SIRT6: variants seen among roughly 807,000 people sequenced by gnomAD.
SIRT6 encodes the protein sirtuin 6.
SIRT6 carries 21 observed loss-of-function variants against 33.6 expected under a neutral mutation model. That is an observed-to-expected ratio of 0.62 (90% confidence interval 0.44 to 0.90). The LOEUF is 0.90. Among genes scored for constraint, SIRT6 ranks in the 40% least tolerant of loss-of-function variants. The probability of loss-of-function intolerance (pLI) is 0.00; values close to 1 mark genes in which losing one functional copy is unlikely to be tolerated. For missense variants in SIRT6, 504 were observed against 510.6 expected (o/e 0.99, Z 0.12); for synonymous variants, 221 against 223.9 (o/e 0.99, Z 0.12).
chr19:4,180,857 A>AGCCTCGCCAGTTCCCACACCT lies in SIRT6; in HGVS notation c.98_118dup (p.Arg39_Leu40insGlnValTrpGluLeuAlaArg), dbSNP rs1169163801. Reference sequence around the variant, plus strand: ...CACCACACTGGAAGACTGCCAGACCAGCCTCGCCAGTTCCCACACCTTCCG... The same window carrying AGCCTCGCCAGTTCCCACACCT: ...CACCACACTGGAAGACTGCCAGACCAGCCTCGCCAGTTCCCACACCTGCCTCGCCAGTTCCCACACCTTCCG... On this transcript the variant is annotated inframe_insertion, in exon 2 of 8. Coordinates refer to ENST00000337491, the MANE Select transcript of SIRT6 (RefSeq NM_016539.4). 6.2e-7 allele frequency: 1 copy of AGCCTCGCCAGTTCCCACACCT among 1,613,380 alleles called. No homozygotes were observed. The highest frequency in any genetic ancestry group is 8.5e-7 in the Non-Finnish European group (1 of 1,179,860).
chr19:4,181,931 C>T (rs916819646), intron 1 of SIRT6, among the ~76,000 whole-genome samples: 8 of 152,122 alleles, frequency 5.3e-5, no homozygotes, highest in African/African-American at 1.9e-4. Context: ...GCCATCTTCA[C>T]CTCGTTTGCA....
intron 3 of SIRT6, among the ~76,000 whole-genome samples, chr19:4,178,841 AAAC>A (rs997200898): frequency 9.2e-5 from 14 of 152,268 alleles, no homozygotes; most frequent in East Asian, 3.9e-4. Flanking sequence ...TCGGTCTCAA[AAAC>A]AACAACAACA....
chr19:4,179,361 T>C (rs1050195396), intron 2 of SIRT6, 75 bp from the exon 3 acceptor site: 1 of 1,427,670 alleles, frequency 7.0e-7, no homozygotes, highest in African/African-American at 1.5e-5. Flanking sequence ...ATCAGAGAGG[T>C]ATAGAGAGAA....
intron 4 of SIRT6, 126 bp downstream of exon 4, chr19:4,176,953 G>A (rs577187183): frequency 6.9e-5 from 43 of 627,442 alleles, no homozygotes; most frequent in Non-Finnish European, 8.6e-5. Flanking sequence ...AGGGAGACAC[G>A]CCCCCAGATC....
chr19:4,174,817 G>GCCCCCCCCCCCCCCCCCCCCCC lies in SIRT6; in HGVS notation c.867_868insGGGGGGGGGGGGGGGGGGGGGG (p.Pro290GlyfsTer145). 2.2e-6 allele frequency: 1 copy of GCCCCCCCCCCCCCCCCCCCCCC among 447,498 alleles called. No homozygotes were observed. Among genetic ancestry groups the GCCCCCCCCCCCCCCCCCCCCCC allele is most frequent in the Non-Finnish European group, 4.4e-6 (1 of 229,006 alleles). The allele number at this position is 447,498 out of a possible 1,614,324, so 27.7% of individuals were successfully genotyped here. A position where few individuals can be genotyped will look rare whatever the true frequency, so the allele number is the denominator to read the frequency against. ...TCCAGCTTGGGGGTGGGCGGGCGGG[G>GCCCCCCCCCCCCCCCCCCCCCC]CAGGGGTGGCAGCGCCCTCTCCAGC... On this transcript the variant is annotated frameshift_variant, in exon 8 of 8. Transcript: ENST00000337491. LOFTEE classifies it low-confidence loss of function (END_TRUNC). The surrounding 1 kb of genome is among the most constrained non-coding windows in gnomAD (Gnocchi z 4.2).
rs927280042 is a variant in SIRT6, at chr19:4,179,265, G to A, written c.216C>T (p.Thr72=). ...TGGGGGCCAGACCTCGCTCCTCCAT[G>A]GTCCAGACTCCGTGGGGACCCCTGA... ...PDFRGPHGVW[T]MEERGLAPKF... is the part of the protein sequence containing the mutation. Residue 72 remains threonine (T), a synonymous_variant, in exon 3 of 8, where the codon ACC becomes ACT. Coordinates refer to ENST00000337491, the MANE Select transcript of SIRT6 (RefSeq NM_016539.4). 1 of 1,605,544 alleles carries A rather than the reference G, an allele frequency of 6.2e-7. No individual in the cohort carries two copies. Among genetic ancestry groups the A allele is most frequent in the Admixed American group, 1.7e-5 (1 of 58,506 alleles).
At chr19:4,178,228 T>C (rs902086741) in intron 3 of SIRT6, among the ~76,000 whole-genome samples, 4 of 150,456 alleles carry the variant, frequency 2.7e-5, no homozygotes, top group Non-Finnish European at 4.4e-5. Flanking sequence ...GGTTTCAACA[T>C]GTTGGCCAGG....
intron 2 of SIRT6, chr19:4,180,488 C>T: frequency 4.4e-6 from 1 of 228,172 alleles, no homozygotes. Flanking sequence ...TCAAGCAATT[C>T]TCCTGCCTCA....
intron 4 of SIRT6, 117 bp downstream of exon 4, chr19:4,176,962 T>A: frequency 3.9e-6 from 2 of 511,266 alleles, no homozygotes; most frequent in South Asian, 2.4e-5. Flanking sequence ...CGCCCCCAGA[T>A]CCCCCCAGGA....
In SIRT6 at chr19:4,182,303, G is replaced by C. The variant is rs138000255; in HGVS notation, c.66+171C>G. 1.3e-3 allele frequency: 824 copies of C among 633,992 alleles called. 3 individuals carry two copies. The highest frequency in any genetic ancestry group is 0.013 in the African/African-American group (661 of 52,302). 39.3% of individuals were successfully genotyped at this position (633,992 alleles called of 1,614,324 possible). A position where few individuals can be genotyped will look rare whatever the true frequency, so the allele number is the denominator to read the frequency against. ...GGGTGACCACAGAGTTGGGCGTGTT[G>C]GCGTCCCCCGGCGCGCAGGGGCGTC... On this transcript the variant is annotated intron_variant, in intron 1 of 7. Coordinates refer to ENST00000337491, the MANE Select transcript of SIRT6 (RefSeq NM_016539.4).
chr19:4,174,725 G>A lies in SIRT6; in HGVS notation c.960C>T (p.Cys320=), dbSNP rs746066259. 8.1e-6 allele frequency: 12 copies of A among 1,485,290 alleles called. No homozygotes were observed. The highest frequency in any genetic ancestry group is 6.8e-5 in the South Asian group (5 of 73,382). The allele number at this position is 1,485,290 out of a possible 1,614,324, so 92.0% of individuals were successfully genotyped here. A position where few individuals can be genotyped will look rare whatever the true frequency, so the allele number is the denominator to read the frequency against. The change falls in exon 8 of 8, where the codon TGC becomes TGT. Residue 320 remains cysteine (C), a synonymous_variant. Transcript: ENST00000337491. This position sits in a 1 kb window ranked among gnomAD's most constrained non-coding sequence, Gnocchi z 4.2. ...SIPAGPKQEP[C]AQHNGSEPAS... is the part of the protein sequence containing the mutation. Reference sequence around the variant, plus strand: ...CGGGCTCTGAGCCGTTGTGCTGGGCGCAGGGCTCCTGCTTGGGGCCGGCGG... The same window carrying A: ...CGGGCTCTGAGCCGTTGTGCTGGGCACAGGGCTCCTGCTTGGGGCCGGCGG...
At chr19:4,176,821 G>A (rs1222240972) in intron 4 of SIRT6, among the ~76,000 whole-genome samples, 1 of 152,148 alleles carries the variant, frequency 6.6e-6, no homozygotes, top group Admixed American at 6.5e-5. Context: ...TGCTACAGCA[G>A]TGCCAGGACA....
In SIRT6 at chr19:4,175,715, G is replaced by T; in HGVS notation, c.579C>A (p.Pro193=). 6.3e-7 allele frequency: 1 copy of T among 1,584,614 alleles called. No individual in the cohort carries two copies. Among genetic ancestry groups the T allele is most frequent in the African/African-American group, 1.3e-5 (1 of 74,480 alleles). ...CATCGGCGAGTGCCAGGTCCCGGTC[G>T]GGCAGGGAGTCCTCCCAGTCTAGGA... ...DTILDWEDSL[P]DRDLALADEA... The change falls in exon 6 of 8, where the codon CCC becomes CCA. Residue 193 remains proline (P), a synonymous_variant. Coordinates refer to ENST00000337491, the MANE Select transcript of SIRT6 (RefSeq NM_016539.4).
At chr19:4,182,232 C>T (rs1339864848) in intron 1 of SIRT6, 5 of 500,864 alleles carry the variant, frequency 1.0e-5, no homozygotes, top group South Asian at 8.1e-5. Flanking sequence ...CCTGTCGTCC[C>T]CTCTTCCTGG....
rs937320323 is a variant in SIRT6, at chr19:4,174,338, G to A, written c.*279C>T. The A allele has an allele frequency of 1.9e-5, 6 of 323,996 alleles. No homozygotes were observed. The highest frequency in any genetic ancestry group is 2.2e-5 in the Non-Finnish European group (4 of 179,168). The allele number at this position is 323,996 out of a possible 1,614,324, so 20.1% of individuals were successfully genotyped here. A position where few individuals can be genotyped will look rare whatever the true frequency, so the allele number is the denominator to read the frequency against. On this transcript the variant is annotated 3_prime_UTR_variant, in exon 8 of 8. Coordinates refer to ENST00000337491, the MANE Select transcript of SIRT6 (RefSeq NM_016539.4). This position sits in a 1 kb window ranked among gnomAD's most constrained non-coding sequence, Gnocchi z 4.2. Reference sequence around the variant, plus strand: ...ACTCCTGTTTAAGCTGGAGACCAGGGAGGGCCCAGCCTCACCTCTGGACAA... The same window carrying A: ...ACTCCTGTTTAAGCTGGAGACCAGGAAGGGCCCAGCCTCACCTCTGGACAA...
chr19:4,175,200 A>G, intron 6 of SIRT6, 49 bp from the exon 7 acceptor site: 1 of 1,556,104 alleles, frequency 6.4e-7, no homozygotes, highest in Non-Finnish European at 8.7e-7. Context: ...TCCTGCCAAC[A>G]TCCCGAGCCA....
intron 4 of SIRT6, among the ~76,000 whole-genome samples, chr19:4,176,862 G>GC (rs1397559611): frequency 4.0e-5 from 6 of 150,348 alleles, no homozygotes; most frequent in East Asian, 2.0e-4. Flanking sequence ...GGGAGGCACG[G>GC]CCCCCCCAAA....
intron 4 of SIRT6, 99 bp from the exon 5 acceptor site, chr19:4,176,036 T>A (rs554642968): frequency 1.9e-6 from 2 of 1,043,584 alleles, no homozygotes; most frequent in African/African-American, 3.2e-5. Flanking sequence ...AGGTGGGGGG[T>A]GGACAGGTGA....
chr19:4,175,141 G>T lies in SIRT6; in HGVS notation c.625C>A (p.Leu209Met). The T allele has an allele frequency of 6.2e-7, 1 of 1,601,974 alleles. No homozygotes were observed. Among genetic ancestry groups the T allele is most frequent in the Non-Finnish European group, 8.5e-7 (1 of 1,175,782 alleles). The change falls in exon 7 of 8, where the codon CTG becomes ATG. Residue 209 changes from leucine to methionine, a missense_variant. By Grantham distance (15) the Leu-to-Met change is conservative. Coordinates refer to ENST00000337491, the MANE Select transcript of SIRT6 (RefSeq NM_016539.4). Reference protein sequence around the residue: ...LADEASRNADLSITLGTSLQI... With the variant: ...LADEASRNADMSITLGTSLQI... ...AGCGATGTACCCAGCGTGATGGACAGGTCGGCGTTCCTGGGGCCGGGGAGC... is the reference window on the plus strand; with the variant it reads ...AGCGATGTACCCAGCGTGATGGACATGTCGGCGTTCCTGGGGCCGGGGAGC...
Sources: allele counts gnomAD v4.1 joint callset (sites outside exome capture counted in the v4.1 genomes callset), GRCh38; gene constraint gnomAD v4.1.1; non-coding constraint Gnocchi (gnomAD v3.1); transcripts MANE v1.5; gene names NCBI Gene and HGNC (gene_info 2026-07-23, HGNC 2026-07-21).